The following DOCK5 variants were observed in gnomAD, a reference collection of about 807,000 sequenced individuals.
DOCK5 encodes the protein dedicator of cytokinesis 5.
A neutral mutation model predicts 251.8 loss-of-function variants in DOCK5; 142 were observed. The observed-to-expected ratio is 0.56, with a 90% CI of 0.49 to 0.65. The LOEUF (loss-of-function observed/expected upper bound fraction) is 0.65. DOCK5 is among the 30% of genes least tolerant of loss of function. The probability of loss-of-function intolerance (pLI) is 0.00; values close to 1 mark genes in which losing one functional copy is unlikely to be tolerated. For synonymous variants in DOCK5, 842 were observed against 835.5 expected, an observed-to-expected ratio of 1.01 and a Z score of -0.13; for missense variants, 2,111 against 2,312.3, an observed-to-expected ratio of 0.91 and a Z score of 1.79.
intron 36 of DOCK5, 110 bp downstream of exon 36, chr8:25,373,768 C>T: frequency 9.9e-7 from 1 of 1,012,194 alleles, no homozygotes; most frequent in Non-Finnish European, 1.5e-6. Flanking sequence ...TTGAGAGACC[C>T]CTAAAAGTAC....
intron 1 of DOCK5, among the ~76,000 whole-genome samples, chr8:25,210,041 T>TATATATAA (rs1563309172): frequency 1.6e-3 from 28 of 17,312 alleles, no homozygotes; most frequent in African/African-American, 7.8e-3. Context: ...TATAAATGTG[T>TATATATAA]GTGTGTGTGT....
rs202095600 is a variant in DOCK5, at chr8:25,334,727, AAT to A, written c.2192+532_2192+533del. ...ACTTAGTATCTAAAAAAAAAAAAAA[AAT>A]CGAGCAAAATCAATAACAAATGACT... On this transcript the variant is annotated intron_variant, in intron 21 of 51. Coordinates refer to ENST00000276440, the MANE Select transcript of DOCK5 (RefSeq NM_024940.8). Among the ~76,000 whole-genome samples, 12 of 150,948 alleles carry A rather than the reference AAT, an allele frequency of 7.9e-5. No homozygotes were observed. The South Asian group carries it at 8.4e-4, about 11-fold the overall frequency.
At chr8:25,286,839 TTTTTGTAGAGACAGAGTCTTACCA>T (rs1804347827) in intron 5 of DOCK5, among the ~76,000 whole-genome samples, 1 of 152,012 alleles carries the variant, frequency 6.6e-6, no homozygotes, top group Non-Finnish European at 1.5e-5. Flanking sequence ...AATTTTTTAT[TTTTTGTAGAGACAGAGTCTTACCA>T]TTTTGTAGAG....
chr8:25,377,571 C>T (rs2117295783), intron 38 of DOCK5, 147 bp downstream of exon 38: 2 of 1,110,554 alleles, frequency 1.8e-6, no homozygotes, highest in East Asian at 5.3e-5. Context: ...GCTTCAGATG[C>T]CATCTTCAAA....
rs1801682935 is a variant in DOCK5, at chr8:25,414,845, AAAC to A, written c.*3550_*3552del. ...GGAGAAAAACCCCACCATCAACACA[AAAC>A]AAGGCTATAAAGACTGTGCACCTTT... On this transcript the variant is annotated 3_prime_UTR_variant, in exon 52 of 52. Transcript: ENST00000276440. The A allele has an allele frequency of 6.6e-6, 1 of 151,826 alleles. No homozygotes were observed. The highest frequency in any genetic ancestry group is 1.9e-4 in the East Asian group (1 of 5,182). The allele number at this position is 151,826 out of a possible 1,614,324, so 9.4% of individuals were successfully genotyped here.
intron 26 of DOCK5, among the ~76,000 whole-genome samples, chr8:25,347,447 T>G (rs1285523094): frequency 6.6e-6 from 1 of 152,226 alleles, no homozygotes; most frequent in African/African-American, 2.4e-5. Flanking sequence ...ATGGAATACA[T>G]TTTCTCAAAG....
intron 1 of DOCK5, among the ~76,000 whole-genome samples, chr8:25,214,060 A>G (rs921968916): frequency 1.3e-5 from 2 of 152,200 alleles, no homozygotes; most frequent in African/African-American, 4.8e-5. Context: ...ATTTTGTACA[A>G]TTATTTTCAA....
chr8:25,411,565 A>C lies in DOCK5; in HGVS notation c.*267A>C. On this transcript the variant is annotated 3_prime_UTR_variant, in exon 52 of 52. Transcript: ENST00000276440. ...TTTCCAAGAAGAGATTGCCTTCACC[A>C]TTGTTAAATGTCAGCCTGTACGGCA... The C allele has an allele frequency of 5.6e-6, 2 of 355,010 alleles. No homozygotes were observed. Among genetic ancestry groups the C allele is most frequent in the Non-Finnish European group, 1.0e-5 (2 of 200,958 alleles). 22.0% of individuals were successfully genotyped at this position (355,010 alleles called of 1,614,324 possible).
intron 37 of DOCK5, chr8:25,374,875 C>A (rs186285633): frequency 7.3e-7 from 1 of 1,365,526 alleles, no homozygotes; most frequent in East Asian, 3.1e-5. Flanking sequence ...AAGCAGAGCA[C>A]GACTTATGAA....
intron 16 of DOCK5, among the ~76,000 whole-genome samples, chr8:25,323,331 A>G (rs1184335039): frequency 6.6e-6 from 1 of 152,218 alleles, no homozygotes; most frequent in East Asian, 1.9e-4. Context: ...AGAGCAACAT[A>G]AATTGAGATC....
rs572543170 is a variant in DOCK5 at position 25,339,950 on chromosome 8, C to A, written c.2328-927C>A. On this transcript the variant is annotated intron_variant, in intron 22 of 51. Transcript: ENST00000276440. ...CATTGTGGTTTAAATGTGAGATACT[C>A]CAGCCCCATCTCAGAGGCAGATGGA... is the stretch of plus-strand genomic sequence containing the variant. Among the ~76,000 whole-genome samples the A allele has an allele frequency of 6.6e-5, 10 of 152,308 alleles. 1 individual carries two copies. In the South Asian group the frequency reaches 2.1e-3, roughly 32 times the overall value.
At chr8:25,190,179 T>C (rs756566793) in intron 1 of DOCK5, among the ~76,000 whole-genome samples, 5 of 152,174 alleles carry the variant, frequency 3.3e-5, no homozygotes, top group Non-Finnish European at 5.9e-5. Context: ...GAGCCACCGC[T>C]CCTGGCCCAG....
In DOCK5 at chr8:25,310,081, G is replaced by A. The variant is rs142455214; in HGVS notation, c.1193-326G>A. Among the ~76,000 whole-genome samples, 155 of 152,026 alleles carry A rather than the reference G, an allele frequency of 1.0e-3. 3 individuals are homozygous for A. The South Asian group carries it at 0.025, about 25-fold the overall frequency. On this transcript the variant is annotated intron_variant, in intron 12 of 51. Coordinates refer to ENST00000276440, the MANE Select transcript of DOCK5 (RefSeq NM_024940.8). ...ATATTAAATTGCTATATACTATAGT[G>A]TTTCATTGTTTCATGTATATATCTT...
At chr8:25,186,793 A>G (rs1801441159) in intron 1 of DOCK5, among the ~76,000 whole-genome samples, 1 of 152,206 alleles carries the variant, frequency 6.6e-6, no homozygotes, top group South Asian at 2.1e-4. Flanking sequence ...ATTAATGCAA[A>G]CATGTTTCAA....
intron 5 of DOCK5, among the ~76,000 whole-genome samples, chr8:25,291,162 A>C (rs1804475521): frequency 6.6e-6 from 1 of 152,080 alleles, no homozygotes; most frequent in Admixed American, 6.6e-5. Context: ...GACTCACTGG[A>C]GGGCTTTAAA....
chr8:25,353,350 A>G (rs1289356286), intron 27 of DOCK5, among the ~76,000 whole-genome samples: 1 of 152,074 alleles, frequency 6.6e-6, no homozygotes, highest in African/African-American at 2.4e-5. Context: ...AAAATATAAA[A>G]TAAAACAAAA....
intron 27 of DOCK5, among the ~76,000 whole-genome samples, chr8:25,352,220 GA>G (rs796559970): frequency 0.053 from 841 of 15,750 alleles, 8 homozygotes; most frequent in African/African-American, 0.16. Context: ...CTTTGAAAAA[GA>G]AAAAAAAAAA....
chr8:25,227,750 A>C (rs1802567876), intron 1 of DOCK5, among the ~76,000 whole-genome samples: 1 of 152,242 alleles, frequency 6.6e-6, no homozygotes, highest in African/African-American at 2.4e-5. Context: ...ATTGTGTTTT[A>C]TGAATAAAGA....
At chr8:25,276,337 A>T (rs749595236) in intron 4 of DOCK5, among the ~76,000 whole-genome samples, 41 of 152,176 alleles carry the variant, frequency 2.7e-4, no homozygotes, top group Admixed American at 5.9e-4. Context: ...AAGATCTGCT[A>T]TATTTTGGGT....
Sources: allele counts gnomAD v4.1 joint callset (sites outside exome capture counted in the v4.1 genomes callset), GRCh38; gene constraint gnomAD v4.1.1; transcripts MANE v1.5; gene names NCBI Gene and HGNC (gene_info 2026-07-23, HGNC 2026-07-21).